XYLT1: variants seen among roughly 807,000 people sequenced by gnomAD.
XYLT1 encodes beta-D-xylosyltransferase 1.
XYLT1 carries 36 observed loss-of-function variants against 91.3 expected under a neutral mutation model. That is an observed-to-expected ratio of 0.39 (90% CI 0.30 to 0.52). The LOEUF (loss-of-function observed/expected upper bound fraction) is 0.52. Ranked by LOEUF, XYLT1 falls within the 20% of genes least tolerant of loss-of-function variation. The pLI is 0.68. For synonymous variants in XYLT1, 588 were observed against 532.0 expected (o/e 1.11, Z -1.45); for missense variants, 1,242 against 1,284.5 (o/e 0.97, Z 0.51).
At chr16:17,202,540 C>T (rs1191154084) in intron 3 of XYLT1, among the ~76,000 whole-genome samples, 1 of 152,120 alleles carries the variant, frequency 6.6e-6, no homozygotes, top group Non-Finnish European at 1.5e-5. Context: ...GGACCTTCTC[C>T]CTGGCTTCTT....
intron 2 of XYLT1, 148 bp downstream of exon 2, chr16:17,357,864 T>C: frequency 1.3e-6 from 1 of 791,444 alleles, no homozygotes. Flanking sequence ...TGCCAGTGTG[T>C]ATACATACAT....
chr16:17,336,654 G>GA (rs145848523), intron 2 of XYLT1, among the ~76,000 whole-genome samples: 6,864 of 152,292 alleles, frequency 0.045, 548 homozygotes, highest in African/African-American at 0.15. Flanking sequence ...ATACCTTGCA[G>GA]AAAGTCAACT....
At position 17,125,617 on chromosome 16, in the gene XYLT1, C is replaced by T. The variant is rs566211598; in HGVS notation, c.2223+2049G>A. Among the ~76,000 whole-genome samples, 6 of 152,188 alleles carry T rather than the reference C, an allele frequency of 3.9e-5. No homozygotes were observed. The East Asian group carries it at 9.7e-4, about 24-fold the overall frequency. On this transcript the variant is annotated intron_variant, in intron 10 of 11. Coordinates refer to ENST00000261381, the MANE Select transcript of XYLT1 (RefSeq NM_022166.4). The stretch of plus-strand genomic sequence containing the variant: ...CAGGCTTTAGCTTTGCAGTGATCTC[C>T]TTAGAAAAGCCTTCCTAGATGAATC...
At chr16:17,160,727 T>G (rs11644114) in intron 5 of XYLT1, among the ~76,000 whole-genome samples, 22,024 of 152,150 alleles carry the variant, frequency 0.14, 1,772 homozygotes, top group African/African-American at 0.18. Flanking sequence ...CCCGCGTGGT[T>G]AAACCCCATC....
intron 9 of XYLT1, among the ~76,000 whole-genome samples, chr16:17,129,127 C>T (rs946891921): frequency 2.7e-5 from 4 of 147,822 alleles, no homozygotes; most frequent in African/African-American, 7.5e-5. Flanking sequence ...GTTTGTTGGG[C>T]ATTCACCGTT....
At chr16:17,151,579 T>C (rs896724904) in intron 6 of XYLT1, among the ~76,000 whole-genome samples, 5 of 152,120 alleles carry the variant, frequency 3.3e-5, no homozygotes, top group Non-Finnish European at 4.4e-5. Flanking sequence ...GGGGTTGTTG[T>C]AGAAAGAGTG....
chr16:17,468,701 A>G (rs1268041663), intron 1 of XYLT1, among the ~76,000 whole-genome samples: 1 of 151,958 alleles, frequency 6.6e-6, no homozygotes, highest in East Asian at 1.9e-4. Flanking sequence ...CCTTCTCTTC[A>G]TTTGTTTCAA....
chr16:17,286,935 G>A (rs1018357220), intron 2 of XYLT1, among the ~76,000 whole-genome samples: 2 of 152,020 alleles, frequency 1.3e-5, no homozygotes, highest in Non-Finnish European at 2.9e-5. Context: ...GTTTGGGGAG[G>A]TCAAACCCAC....
At chr16:17,119,845 A>G (rs1387971973) in intron 10 of XYLT1, among the ~76,000 whole-genome samples, 1 of 152,240 alleles carries the variant, frequency 6.6e-6, no homozygotes, top group African/African-American at 2.4e-5. Context: ...CCTTCCATTC[A>G]TGAATTCATT....
At chr16:17,339,673 G>T (rs1046734365) in intron 2 of XYLT1, among the ~76,000 whole-genome samples, 2 of 152,284 alleles carry the variant, frequency 1.3e-5, no homozygotes, top group South Asian at 4.1e-4. Context: ...CACAGAGAAG[G>T]TGACACTATC....
At chr16:17,368,835 T>C (rs2035489185) in intron 1 of XYLT1, among the ~76,000 whole-genome samples, 1 of 152,108 alleles carries the variant, frequency 6.6e-6, no homozygotes, top group Non-Finnish European at 1.5e-5. Flanking sequence ...CCTACTGCCT[T>C]GGCCTCCCGA....
At chr16:17,423,470 C>A (rs572479372) in intron 1 of XYLT1, among the ~76,000 whole-genome samples, 9 of 152,262 alleles carry the variant, frequency 5.9e-5, no homozygotes, top group South Asian at 2.1e-4. Flanking sequence ...AATCAGCCTG[C>A]GATACAAAGG....
At chr16:17,409,735 A>T (rs543308927) in intron 1 of XYLT1, among the ~76,000 whole-genome samples, 1 of 152,006 alleles carries the variant, frequency 6.6e-6, no homozygotes, top group East Asian at 1.9e-4. Flanking sequence ...TGTTTAGTAG[A>T]GATGGGGTTT....
intron 3 of XYLT1, among the ~76,000 whole-genome samples, chr16:17,226,385 C>G (rs960171194): frequency 4.6e-5 from 7 of 152,240 alleles, no homozygotes; most frequent in Admixed American, 4.6e-4. Flanking sequence ...CTGGATAACT[C>G]TCTATTGGAG....
At chr16:17,184,044 T>C (rs1378511167) in intron 5 of XYLT1, among the ~76,000 whole-genome samples, 1 of 152,040 alleles carries the variant, frequency 6.6e-6, no homozygotes, top group Admixed American at 6.6e-5. Flanking sequence ...AAGGGAAGAA[T>C]AATAGACTCT....
Position 17,152,390 on chromosome 16 carries a change from C to T in XYLT1, c.1370+6439G>A, listed in dbSNP as rs549056053. 3.3e-5 allele frequency among the ~76,000 whole-genome samples: 5 copies of T among 152,276 alleles called. No individual in the cohort carries two copies. The East Asian group carries it at 5.8e-4, about 18-fold the overall frequency. On this transcript the variant is annotated intron_variant, in intron 6 of 11. Transcript: ENST00000261381. Reference sequence around the variant, plus strand: ...AAGTGAACATGCAAACAGTCATGAACGCATCGGTTGGGTTTAAGGAAAGCA... The same window carrying T: ...AAGTGAACATGCAAACAGTCATGAATGCATCGGTTGGGTTTAAGGAAAGCA...
chr16:17,210,232 G>A (rs754601162), intron 3 of XYLT1, among the ~76,000 whole-genome samples: 16 of 152,130 alleles, frequency 1.1e-4, no homozygotes, highest in Non-Finnish European at 2.2e-4. Context: ...GGCTGTGGTG[G>A]CTCACGCCTG....
At chr16:17,283,132 G>T (rs1372910052) in intron 2 of XYLT1, among the ~76,000 whole-genome samples, 1 of 152,128 alleles carries the variant, frequency 6.6e-6, no homozygotes, top group Non-Finnish European at 1.5e-5. Context: ...TCCCGTCCTC[G>T]CTTGGAAGGA....
intron 2 of XYLT1, among the ~76,000 whole-genome samples, chr16:17,317,361 A>T (rs982809319): frequency 6.6e-6 from 1 of 151,784 alleles, no homozygotes; most frequent in Non-Finnish European, 1.5e-5. Context: ...GATGAGGCAC[A>T]GTGGCTCATG....
Sources: gnomAD v4.1 joint callset for allele counts (sites outside exome capture counted in the v4.1 genomes callset) on GRCh38, gnomAD v4.1.1 for gene constraint, MANE v1.5 for transcripts, NCBI Gene and HGNC (gene_info 2026-07-23, HGNC 2026-07-21) for gene names.